The following FAM234A variants were observed in gnomAD, a reference collection of about 807,000 sequenced individuals.
The protein encoded by FAM234A is family with sequence similarity 234 member A.
Under a neutral mutation model 49.1 loss-of-function variants are expected in FAM234A, and 42 were observed. The ratio of observed to expected loss-of-function variants is 0.86; its 90% confidence interval spans 0.67 to 1.11. The LOEUF (loss-of-function observed/expected upper bound fraction) is 1.11. Ranked by LOEUF, FAM234A falls within the 50% of genes least tolerant of loss-of-function variation. FAM234A has a pLI of 0.00. For synonymous variants in FAM234A, 369 were observed against 316.2 expected (o/e 1.17, Z -1.77); for missense variants, 815 against 745.2 (o/e 1.09, Z -1.09).
At chr16:268,995 C>G, downstream of FAM234A, 1 of 1,487,106 alleles carries the variant, frequency 6.7e-7, no homozygotes, top group Non-Finnish European at 9.2e-7. Context: ...CTTGGTCTCA[C>G]CTCTCTTCAG....
chr16:259,583 AT>A lies in FAM234A; in HGVS notation c.370del (p.Ser124ProfsTer87). The A allele has an allele frequency of 6.2e-7, 1 of 1,602,024 alleles. No homozygotes were observed. The highest frequency in any genetic ancestry group is 8.6e-7 in the Non-Finnish European group (1 of 1,169,040). On this transcript the variant is annotated frameshift_variant, in exon 4 of 13. Coordinates refer to ENST00000399932, the MANE Select transcript of FAM234A (RefSeq NM_032039.4). LOFTEE classifies it high-confidence loss of function. ...NTNSSNNFSR[S>X]CVDEGFSSPC... ...CCAACAGCAGCAACAATTTCAGCCG[AT>A]CCTGTGTGGACGAAGGTAATTTCAT...
chr16:259,365 G>T (rs566532164), intron 3 of FAM234A, 118 bp from the exon 4 acceptor site: 6 of 668,734 alleles, frequency 9.0e-6, no homozygotes, highest in Middle Eastern at 2.5e-4. Context: ...CACCGTCCTC[G>T]TTGGGTGCCC....
At chr16:234,891 C>G (rs1412148960) in intron 1 of FAM234A, 34 bp downstream of exon 1, 1 of 151,880 alleles carries the variant, frequency 6.6e-6, no homozygotes, top group Non-Finnish European at 1.5e-5. Flanking sequence ...CGCGCGTGCA[C>G]GCCGCAGGGG....
At chr16:260,393 T>C (rs1323169404) in intron 5 of FAM234A, 4 of 582,210 alleles carry the variant, frequency 6.9e-6, no homozygotes, top group Non-Finnish European at 9.4e-6. Context: ...TACACCTTGC[T>C]GGTGGGCTGT....
At chr16:241,284 A>AAG (rs1186215779) in intron 1 of FAM234A, among the ~76,000 whole-genome samples, 4 of 151,808 alleles carry the variant, frequency 2.6e-5, no homozygotes, top group Non-Finnish European at 5.9e-5. Flanking sequence ...AGAAAAAAAA[A>AAG]AAGCTGTCTG....
chr16:263,565 C>T (rs1406116667), intron 9 of FAM234A, 135 bp from the exon 10 acceptor site: 4 of 1,258,226 alleles, frequency 3.2e-6, no homozygotes, highest in African/African-American at 1.5e-5. Context: ...TTGCCCCAGA[C>T]GTCGGCTCCG....
intron 10 of FAM234A, 58 bp from the exon 11 acceptor site, chr16:263,958 C>G: frequency 6.4e-7 from 1 of 1,564,686 alleles, no homozygotes; most frequent in Non-Finnish European, 8.7e-7. Context: ...CTGTGCAAGC[C>G]TCGAGCTTTT....
intron 1 of FAM234A, among the ~76,000 whole-genome samples, chr16:244,371 G>A (rs1480931598): frequency 1.3e-5 from 2 of 152,046 alleles, no homozygotes; most frequent in African/African-American, 4.8e-5. Context: ...ATTTCTTCAG[G>A]CTACCACAAA....
chr16:244,342 G>A (rs1470129922), intron 1 of FAM234A, among the ~76,000 whole-genome samples: 1 of 152,136 alleles, frequency 6.6e-6, no homozygotes, highest in Non-Finnish European at 1.5e-5. Flanking sequence ...CATGCCAGGG[G>A]TTTGGCTCTT....
chr16:257,614 T>C (rs1190767911), intron 3 of FAM234A, among the ~76,000 whole-genome samples: 4 of 152,134 alleles, frequency 2.6e-5, no homozygotes, highest in African/African-American at 7.2e-5. Context: ...CGTTTTTTTT[T>C]TCTAAGAGTT....
At chr16:268,048 G>A (rs1232898612), downstream of FAM234A, among the ~76,000 whole-genome samples, 1 of 144,514 alleles carries the variant, frequency 6.9e-6, no homozygotes, top group Non-Finnish European at 1.5e-5. Context: ...ACCTGCACAC[G>A]GGTGCTACAC....
At chr16:237,389 C>G (rs74324376) in intron 1 of FAM234A, among the ~76,000 whole-genome samples, 2 of 152,116 alleles carry the variant, frequency 1.3e-5, no homozygotes, top group Non-Finnish European at 2.9e-5. Flanking sequence ...CATGGAGTTG[C>G]AGCCAAGATG....
chr16:250,433 C>T (rs1234366939), intron 2 of FAM234A, among the ~76,000 whole-genome samples: 1 of 152,090 alleles, frequency 6.6e-6, no homozygotes, highest in African/African-American at 2.4e-5. Flanking sequence ...TCCCCACCCC[C>T]ATGCCAGCTG....
In FAM234A at chr16:252,107, C is replaced by G. The variant is rs1026621867; in HGVS notation, c.-33-2274C>G. Among the ~76,000 whole-genome samples the G allele has an allele frequency of 2.0e-5, 3 of 151,194 alleles. No individual in the cohort carries two copies. In the South Asian group the frequency reaches 6.3e-4, roughly 32 times the overall value. Reference sequence around the variant, plus strand: ...CCTCGAGCAATCCTCAAGGGATCCTCCTGCTTTGGCCTCCCAAAGTACTGG... The same window carrying G: ...CCTCGAGCAATCCTCAAGGGATCCTGCTGCTTTGGCCTCCCAAAGTACTGG... On this transcript the variant is annotated intron_variant, in intron 2 of 12. Transcript: ENST00000399932.
rs944275673 is a variant in FAM234A, at chr16:257,205, G to A, written c.269-2278G>A. The stretch of plus-strand genomic sequence containing the variant: ...TTCCACTCTCTTGATAGTGTCCTTC[G>A]ATGCATAAAAGCTTTTAGTTTCAAT... On this transcript the variant is annotated intron_variant, in intron 3 of 12. Transcript: ENST00000399932. Among the ~76,000 whole-genome samples the A allele has an allele frequency of 1.4e-4, 20 of 146,848 alleles. No homozygotes were observed. The South Asian group carries it at 3.3e-3, about 24-fold the overall frequency.
At position 262,107 on chromosome 16, in the gene FAM234A, C is replaced by A. The variant is rs1186603732; in HGVS notation, c.723C>A (p.Leu241=). The A allele has an allele frequency of 5.0e-6, 8 of 1,613,904 alleles. No homozygotes were observed. In the East Asian group the frequency reaches 1.8e-4, roughly 36 times the overall value. The change falls in exon 7 of 13, where the codon CTC becomes CTA. Residue 241 remains leucine, a synonymous_variant. Transcript: ENST00000399932. ...TQEREEVSGH[L]YSGSTGHQIG... ...TGTCATTGCAGGTTAGTGGCCACCT[C>A]TACTCCGGCAGCACCGGGCACCAGA... is the stretch of plus-strand genomic sequence containing the variant.
intron 1 of FAM234A, among the ~76,000 whole-genome samples, chr16:245,354 TA>T (rs936375956): frequency 4.3e-4 from 65 of 152,134 alleles, no homozygotes; most frequent in African/African-American, 1.5e-3. Context: ...CAAGATCAGA[TA>T]AAATGAAATG....
intron 8 of FAM234A, among the ~76,000 whole-genome samples, chr16:262,807 T>G (rs536780796): frequency 2.4e-5 from 3 of 124,590 alleles, no homozygotes; most frequent in African/African-American, 9.2e-5. Flanking sequence ...CTCTTTTCTG[T>G]TTTTTTTTTT....
rs756884001 is a variant in FAM234A at position 264,119 on chromosome 16, G to A, written c.1292G>A (p.Arg431His). 7 of 1,610,514 alleles carry A rather than the reference G, an allele frequency of 4.3e-6. No individual in the cohort carries two copies. Among genetic ancestry groups the A allele is most frequent in the Non-Finnish European group, 5.1e-6 (6 of 1,179,816 alleles). The change falls in exon 11 of 13, where the codon CGC becomes CAC. Residue 431 changes from arginine to histidine, a missense_variant. Coordinates refer to ENST00000399932, the MANE Select transcript of FAM234A (RefSeq NM_032039.4). Reference sequence around the variant, plus strand: ...GCCAGCCTGCCGACCGCAGACCACCGCTCAGCCTTCTTCTTCTGGGGCCTC... The same window carrying A: ...GCCAGCCTGCCGACCGCAGACCACCACTCAGCCTTCTTCTTCTGGGGCCTC... ...LSASLPTADH[R>H]SAFFFWGLHE...
Sources: gnomAD v4.1 joint callset for allele counts (sites outside exome capture counted in the v4.1 genomes callset) on GRCh38, gnomAD v4.1.1 for gene constraint, MANE v1.5 for transcripts, NCBI Gene and HGNC (gene_info 2026-07-23, HGNC 2026-07-21) for gene names.